NPAS2: variants seen among roughly 807,000 people sequenced by gnomAD.
The protein encoded by NPAS2 is neuronal PAS domain-containing protein 2.
A neutral mutation model predicts 107.5 loss-of-function variants in NPAS2; 23 were observed. The observed-to-expected ratio is 0.21, with a 90% confidence interval of 0.15 to 0.30. The LOEUF (loss-of-function observed/expected upper bound fraction) is 0.30. NPAS2 is among the 10% of genes least tolerant of loss of function. The pLI is 1.00. For missense variants in NPAS2, 756 were observed against 1,043.3 expected, an observed-to-expected ratio of 0.72 and a Z score of 3.79; for synonymous variants, 403 against 417.5, an observed-to-expected ratio of 0.97 and a Z score of 0.42.
intron 1 of NPAS2, among the ~76,000 whole-genome samples, chr2:100,852,539 TC>T (rs1678266201): frequency 6.6e-6 from 1 of 152,184 alleles, no homozygotes; most frequent in African/African-American, 2.4e-5. Context: ...TTTGCATCTG[TC>T]AATGCAGGGA....
chr2:100,969,518 G>T (rs79986977), intron 11 of NPAS2, among the ~76,000 whole-genome samples: 12 of 152,092 alleles, frequency 7.9e-5, no homozygotes, highest in Non-Finnish European at 1.3e-4. Flanking sequence ...CTATGTTCCC[G>T]CAAAGGACAT....
rs1677015183 is a variant in NPAS2 at position 100,976,437 on chromosome 2, T to C, written c.1392+870T>C. On this transcript the variant is annotated intron_variant, in intron 14 of 20. Coordinates refer to ENST00000335681, the MANE Select transcript of NPAS2 (RefSeq NM_002518.4). The surrounding 1 kb of genome is among the most constrained non-coding windows in gnomAD (Gnocchi z 4.1). ...TGACCTAGCCACGGAAGTCATATAG[T>C]ATCACCACTGCCATACCTCTTGGTC... Among the ~76,000 whole-genome samples the C allele has an allele frequency of 6.6e-6, 1 of 151,994 alleles. No individual in the cohort carries two copies. Among genetic ancestry groups the C allele is most frequent in the Admixed American group, 6.5e-5 (1 of 15,268 alleles).
chr2:100,975,455 C>T lies in NPAS2; in HGVS notation c.1283-3C>T. The T allele has an allele frequency of 2.5e-6, 4 of 1,610,882 alleles. No individual in the cohort carries two copies. The highest frequency in any genetic ancestry group is 3.4e-6 in the Non-Finnish European group (4 of 1,178,314). On this transcript the variant is annotated splice_region_variant and splice_polypyrimidine_tract_variant and intron_variant, in intron 13 of 20. Coordinates refer to ENST00000335681, the MANE Select transcript of NPAS2 (RefSeq NM_002518.4). ...TAGAAGGTCATTCGTTGCTTTCTTA[C>T]AGCCACTCCCACCAAGCTGATGGCA...
chr2:100,850,693 C>T lies in NPAS2; in HGVS notation c.-23+30279C>T, dbSNP rs1176548110. Among the ~76,000 whole-genome samples, 3 of 152,224 alleles carry T rather than the reference C, an allele frequency of 2.0e-5. No individual in the cohort carries two copies. The East Asian group carries it at 5.8e-4, about 29-fold the overall frequency. ...ACAGGCCAGGTACGGTGGCTCATGC[C>T]TGTAATCCCAGCACTTTAGGAGGCC... On this transcript the variant is annotated intron_variant, in intron 1 of 20. Transcript: ENST00000335681.
At chr2:100,876,236 T>A (rs1679958486) in intron 1 of NPAS2, among the ~76,000 whole-genome samples, 1 of 152,188 alleles carries the variant, frequency 6.6e-6, no homozygotes, top group Non-Finnish European at 1.5e-5. Context: ...GCAACCTTTC[T>A]CCAGGGTGAA....
intron 16 of NPAS2, 146 bp downstream of exon 16, chr2:100,982,523 C>G: frequency 1.1e-6 from 1 of 913,776 alleles, no homozygotes; most frequent in South Asian, 1.7e-5. Flanking sequence ...ATTGCAGTCT[C>G]TGCAAAGGAC....
chr2:100,894,362 G>A (rs919651730), intron 1 of NPAS2, among the ~76,000 whole-genome samples: 1 of 152,188 alleles, frequency 6.6e-6, no homozygotes, highest in Non-Finnish European at 1.5e-5. Context: ...TTGCTTTCCT[G>A]TTTAGTTATG....
intron 1 of NPAS2, among the ~76,000 whole-genome samples, chr2:100,829,637 A>T (rs1676604397): frequency 6.6e-6 from 1 of 152,054 alleles, no homozygotes. Context: ...TCCTATTTGG[A>T]TGCCTTTACT....
intron 1 of NPAS2, among the ~76,000 whole-genome samples, chr2:100,851,216 C>T (rs942697311): frequency 1.3e-5 from 2 of 152,110 alleles, no homozygotes; most frequent in Non-Finnish European, 2.9e-5. Flanking sequence ...TTGAGAAGTT[C>T]TGGACGTAGT....
At position 100,847,499 on chromosome 2, in the gene NPAS2, A is replaced by T. The variant is rs570376771; in HGVS notation, c.-23+27085A>T. On this transcript the variant is annotated intron_variant, in intron 1 of 20. Coordinates refer to ENST00000335681, the MANE Select transcript of NPAS2 (RefSeq NM_002518.4). Reference sequence around the variant, plus strand: ...ATTCTCCTGCCTCAGCCTCCGGAGTAGCTGGGACTATAGGCACCCACCACC... The same window carrying T: ...ATTCTCCTGCCTCAGCCTCCGGAGTTGCTGGGACTATAGGCACCCACCACC... Among the ~76,000 whole-genome samples, 3 of 152,184 alleles carry T rather than the reference A, an allele frequency of 2.0e-5. No homozygotes were observed. The East Asian group carries it at 5.8e-4, about 30-fold the overall frequency.
chr2:100,902,387 G>A (rs1449782300), intron 1 of NPAS2, among the ~76,000 whole-genome samples: 3 of 152,204 alleles, frequency 2.0e-5, no homozygotes, highest in Non-Finnish European at 4.4e-5. Context: ...ATATCACTCG[G>A]CCTTAAAAAG....
intron 1 of NPAS2, among the ~76,000 whole-genome samples, chr2:100,874,030 G>A (rs1287371391): frequency 6.7e-6 from 1 of 149,796 alleles, no homozygotes; most frequent in African/African-American, 2.4e-5. Context: ...GCCCAGGCTG[G>A]AGTGCAGTGG....
chr2:100,820,288 T>G lies in NPAS2; in HGVS notation c.-149T>G. 1 of 136,804 alleles carries G rather than the reference T, an allele frequency of 7.3e-6. No individual in the cohort carries two copies. Among genetic ancestry groups the G allele is most frequent in the Admixed American group, 7.1e-5 (1 of 14,018 alleles). The allele number at this position is 136,804 out of a possible 1,614,324, so 8.5% of individuals were successfully genotyped here. ...CGGCGGCAGCAGCTAGAGCAGCGCCTCCCGCCGCCGCCCGGGAGGAGCTCG... is the reference window on the plus strand; with the variant it reads ...CGGCGGCAGCAGCTAGAGCAGCGCCGCCCGCCGCCGCCCGGGAGGAGCTCG... On this transcript the variant is annotated 5_prime_UTR_variant, in exon 1 of 21. Coordinates refer to ENST00000335681, the MANE Select transcript of NPAS2 (RefSeq NM_002518.4). The surrounding 1 kb of genome is among the most constrained non-coding windows in gnomAD (Gnocchi z 5.6).
chr2:100,946,646 T>G (rs948354698), intron 5 of NPAS2, among the ~76,000 whole-genome samples: 1 of 152,172 alleles, frequency 6.6e-6, no homozygotes, highest in Admixed American at 6.5e-5. Flanking sequence ...AAGGGACAGT[T>G]GTGACTTGAT....
chr2:100,896,317 C>T (rs868491503), intron 1 of NPAS2, among the ~76,000 whole-genome samples: 1 of 152,184 alleles, frequency 6.6e-6, no homozygotes, highest in Non-Finnish European at 1.5e-5. Context: ...TCGGAAACCC[C>T]CTATTCTGAG....
At chr2:100,926,142 G>A (rs1683546149) in intron 3 of NPAS2, among the ~76,000 whole-genome samples, 1 of 152,134 alleles carries the variant, frequency 6.6e-6, no homozygotes, top group Non-Finnish European at 1.5e-5. Flanking sequence ...CCATTGTATG[G>A]ATATATTAAT....
In NPAS2 at chr2:100,993,493, A is replaced by G. The variant is rs1308040938; in HGVS notation, c.2258A>G (p.Gln753Arg). 2 of 1,598,284 alleles carry G rather than the reference A, an allele frequency of 1.3e-6. No homozygotes were observed. The highest frequency in any genetic ancestry group is 1.7e-6 in the Non-Finnish European group (2 of 1,172,484). The stretch of plus-strand genomic sequence containing the variant: ...CAACCATCGCCCCTGCAGCCTGCAC[A>G]GGCCCGGCAGCAGCCACCGCAGCAC... ...ASQPSPLQPA[Q>R]ARQQPPQHYL... The change falls in exon 20 of 21, where the codon CAG (glutamine) becomes CGG (arginine). Residue 753 changes from glutamine to arginine, a missense_variant. Transcript: ENST00000335681.
At chr2:100,890,828 GC>G (rs2104693685) in intron 1 of NPAS2, among the ~76,000 whole-genome samples, 1 of 152,302 alleles carries the variant, frequency 6.6e-6, no homozygotes, top group South Asian at 2.1e-4. Context: ...GCCCCTTGCA[GC>G]CCGTGAGCTT....
At chr2:100,827,341 AT>A (rs1676451893) in intron 1 of NPAS2, among the ~76,000 whole-genome samples, 1 of 152,254 alleles carries the variant, frequency 6.6e-6, no homozygotes, top group Non-Finnish European at 1.5e-5. Context: ...CACTTCGTAC[AT>A]TGCATGAGAC....
Sources: allele counts gnomAD v4.1 joint callset (sites outside exome capture counted in the v4.1 genomes callset), GRCh38; gene constraint gnomAD v4.1.1; non-coding constraint Gnocchi (gnomAD v3.1); transcripts MANE v1.5; gene names NCBI Gene and HGNC (gene_info 2026-07-23, HGNC 2026-07-21).